IFT43: variants seen among roughly 807,000 people sequenced by gnomAD.
The protein encoded by IFT43 is intraflagellar transport protein 43 homolog.
A neutral mutation model predicts 32.3 loss-of-function variants in IFT43; 33 were observed. The ratio of observed to expected loss-of-function variants is 1.02; its 90% CI spans 0.77 to 1.37. The LOEUF (loss-of-function observed/expected upper bound fraction) is 1.37. Among genes scored for constraint, IFT43 ranks in the 40% most tolerant of loss-of-function variants. The probability of loss-of-function intolerance (pLI) is 0.00; values close to 1 mark genes in which losing one functional copy is unlikely to be tolerated. For synonymous variants in IFT43, 93 were observed against 98.2 expected, an observed-to-expected ratio of 0.95 and a Z score of 0.31; for missense variants, 274 against 265.9, an observed-to-expected ratio of 1.03 and a Z score of -0.21.
Position 76,012,192 on chromosome 14 carries a change from A to G in IFT43, c.148-10135A>G, listed in dbSNP as rs77357682. ...ACTTAGAACTCTTGGCCTGATTCAT[A>G]TTTTGGGGTTAGGGTGGAGTTTCTC... On this transcript the variant is annotated intron_variant, in intron 2 of 8. Transcript: ENST00000314067. 1.4e-3 allele frequency among the ~76,000 whole-genome samples: 207 copies of G among 152,274 alleles called. 1 individual carries two copies. The highest frequency in any genetic ancestry group is 4.6e-3 in the African/African-American group (190 of 41,550).
At chr14:76,082,450 G>A (rs1047713795) in intron 6 of IFT43, 83 bp downstream of exon 6, 19 of 1,106,032 alleles carry the variant, frequency 1.7e-5, no homozygotes, top group African/African-American at 6.0e-5. Flanking sequence ...GGACCTTGAT[G>A]TCAATCTGGA....
chr14:76,035,592 A>C (rs1174220726), intron 3 of IFT43, among the ~76,000 whole-genome samples: 1 of 152,216 alleles, frequency 6.6e-6, no homozygotes, highest in African/African-American at 2.4e-5. Context: ...TAGGCTAAAA[A>C]GTGTGAAAAG....
chr14:76,008,738 CTT>C (rs1284360420), intron 2 of IFT43, among the ~76,000 whole-genome samples: 1 of 152,182 alleles, frequency 6.6e-6, no homozygotes, highest in East Asian at 1.9e-4. Flanking sequence ...TGGAAAATAT[CTT>C]GTAGCATGCA....
chr14:76,064,033 A>G (rs1006115361), intron 5 of IFT43, among the ~76,000 whole-genome samples: 1 of 152,140 alleles, frequency 6.6e-6, no homozygotes, highest in Non-Finnish European at 1.5e-5. Flanking sequence ...GATGGGGGGC[A>G]ATAAAGATGG....
At chr14:76,037,691 G>GT (rs34567798) in intron 3 of IFT43, among the ~76,000 whole-genome samples, 18,979 of 146,694 alleles carry the variant, frequency 0.13, 1,437 homozygotes, top group African/African-American at 0.19. Context: ...CTCATTCTCT[G>GT]TTTTTTTTTT....
intron 1 of IFT43, chr14:75,986,404 A>C: frequency 1.9e-6 from 1 of 539,746 alleles, no homozygotes; most frequent in South Asian, 2.8e-5. Flanking sequence ...TTAGGTGCTC[A>C]GGCACTGAGG....
In IFT43 at chr14:76,063,093, T is replaced by C. The variant is rs113614996; in HGVS notation, c.295+3720T>C. Among the ~76,000 whole-genome samples the C allele has an allele frequency of 2.3e-4, 35 of 152,290 alleles. 1 individual carries two copies. Among genetic ancestry groups the C allele is most frequent in the African/African-American group, 7.7e-4 (32 of 41,550 alleles). On this transcript the variant is annotated intron_variant, in intron 5 of 8. Coordinates refer to ENST00000314067, the MANE Select transcript of IFT43 (RefSeq NM_001102564.3). The stretch of plus-strand genomic sequence containing the variant: ...GTCTAGAGTTAGCCCTAAACACTAA[T>C]GCCTGGTTGTTCAATAAGATCTCTA...
At chr14:76,082,535 G>A (rs1383025099) in intron 6 of IFT43, 82 bp from the exon 7 acceptor site, 1 of 1,523,508 alleles carries the variant, frequency 6.6e-7, no homozygotes, top group South Asian at 1.1e-5. Flanking sequence ...CTGTATACAA[G>A]GTTCTGGGGA....
At chr14:76,049,965 C>G (rs1338990760) in intron 3 of IFT43, among the ~76,000 whole-genome samples, 1 of 152,228 alleles carries the variant, frequency 6.6e-6, no homozygotes, top group Non-Finnish European at 1.5e-5. Flanking sequence ...CTTACCCACT[C>G]AGCCCTGACG....
At chr14:76,060,744 A>AT (rs1409445689) in intron 5 of IFT43, among the ~76,000 whole-genome samples, 2 of 151,602 alleles carry the variant, frequency 1.3e-5, no homozygotes, top group Non-Finnish European at 2.9e-5. Context: ...TAGGCTGACA[A>AT]TTTTTTTCTT....
chr14:76,058,104 T>C (rs1321800263), intron 3 of IFT43: 1 of 186,366 alleles, frequency 5.4e-6, no homozygotes, highest in African/African-American at 2.4e-5. Context: ...CTACCATAGA[T>C]ACGCGTGTAT....
rs1024857827 is a variant in IFT43, at chr14:76,011,649, C to CT, written c.148-10676dup. Among the ~76,000 whole-genome samples the CT allele has an allele frequency of 2.7e-4, 41 of 152,292 alleles. 1 individual carries two copies. The highest frequency in any genetic ancestry group is 8.2e-4 in the African/African-American group (34 of 41,566). On this transcript the variant is annotated intron_variant, in intron 2 of 8. Transcript: ENST00000314067. ...CACTCACTGATGATCAGCTTTCTTT[C>CT]TTATACGTAAAATAGACTTTGCGTT...
chr14:76,072,508 T>G (rs765419834), intron 5 of IFT43, among the ~76,000 whole-genome samples: 2 of 152,162 alleles, frequency 1.3e-5, no homozygotes, highest in Non-Finnish European at 2.9e-5. Context: ...TCTCCGGGAT[T>G]CCATTTTCCT....
At chr14:76,022,491 A>G (rs778931668) in intron 3 of IFT43, 97 bp downstream of exon 3, 55 of 734,342 alleles carry the variant, frequency 7.5e-5, no homozygotes, top group Non-Finnish European at 1.3e-4. Context: ...AGCTTTATTG[A>G]GAAAAAATTT....
At chr14:76,025,109 A>G (rs1443333046) in intron 3 of IFT43, among the ~76,000 whole-genome samples, 3 of 152,218 alleles carry the variant, frequency 2.0e-5, no homozygotes, top group African/African-American at 7.2e-5. Flanking sequence ...TACCAGTGGG[A>G]TGGCCAGTGA....
At chr14:76,029,851 T>TTTTTA (rs58097236) in intron 3 of IFT43, among the ~76,000 whole-genome samples, 3,706 of 117,410 alleles carry the variant, frequency 0.032, 106 homozygotes, top group South Asian at 0.048. Context: ...TTTATTTTTA[T>TTTTTA]TTTTATTTTA....
intron 3 of IFT43, among the ~76,000 whole-genome samples, chr14:76,033,980 A>G (rs772999942): frequency 6.6e-6 from 1 of 152,224 alleles, no homozygotes; most frequent in Non-Finnish European, 1.5e-5. Flanking sequence ...GAACAGGATC[A>G]TGAAGAAGGC....
At chr14:76,064,197 C>G (rs143276257) in intron 5 of IFT43, among the ~76,000 whole-genome samples, 2 of 152,202 alleles carry the variant, frequency 1.3e-5, no homozygotes, top group Non-Finnish European at 2.9e-5. Flanking sequence ...TTAGACTTCT[C>G]CACCCACTAA....
intron 3 of IFT43, among the ~76,000 whole-genome samples, chr14:76,051,725 C>T (rs977593174): frequency 1.3e-5 from 2 of 151,980 alleles, no homozygotes; most frequent in African/African-American, 4.8e-5. Context: ...TTTTTTCCTC[C>T]AGAGGAAGAA....
Sources: gnomAD v4.1 joint callset for allele counts (sites outside exome capture counted in the v4.1 genomes callset) on GRCh38, gnomAD v4.1.1 for gene constraint, MANE v1.5 for transcripts, NCBI Gene and HGNC (gene_info 2026-07-23, HGNC 2026-07-21) for gene names.